The following SSBP3 variants were observed in gnomAD, a reference collection of about 807,000 sequenced individuals.
The protein encoded by SSBP3 is single stranded DNA binding protein 3.
SSBP3 carries 5 observed loss-of-function variants against 69.6 expected under a neutral mutation model. The ratio of observed to expected loss-of-function variants is 0.07; its 90% CI spans 0.04 to 0.15. SSBP3 has a LOEUF of 0.15. Ranked by LOEUF, SSBP3 falls within the 10% of genes least tolerant of loss-of-function variation. SSBP3 has a pLI of 1.00. For missense variants in SSBP3, 312 were observed against 534.0 expected (o/e 0.58, Z 4.10); for synonymous variants, 196 against 193.4 (o/e 1.01, Z -0.11).
chr1:54,271,821 A>G (rs486703), intron 5 of SSBP3, among the ~76,000 whole-genome samples: 2,617 of 151,972 alleles, frequency 0.017, 64 homozygotes, highest in African/African-American at 0.06. Context: ...CTAGGCTGGC[A>G]TGCAATGGTG....
intron 3 of SSBP3, among the ~76,000 whole-genome samples, chr1:54,404,049 G>A (rs1649503898): frequency 6.6e-6 from 1 of 152,068 alleles, no homozygotes. Flanking sequence ...CCAGAGGAAA[G>A]GAAGGACCAG....
intron 5 of SSBP3, among the ~76,000 whole-genome samples, chr1:54,264,270 C>A (rs1645064500): frequency 1.3e-5 from 2 of 152,158 alleles, no homozygotes; most frequent in Admixed American, 1.3e-4. Flanking sequence ...CCACTGCACT[C>A]TAGCCTGGGT....
At chr1:54,227,977 A>G (rs1362054180) in intron 17 of SSBP3, among the ~76,000 whole-genome samples, 1 of 151,854 alleles carries the variant, frequency 6.6e-6, no homozygotes, top group African/African-American at 2.4e-5. Flanking sequence ...TACTGCCCCA[A>G]CTCTCTCAGC....
intron 4 of SSBP3, among the ~76,000 whole-genome samples, chr1:54,288,631 A>G (rs540883171): frequency 3.3e-5 from 5 of 151,814 alleles, no homozygotes; most frequent in Non-Finnish European, 7.4e-5. Context: ...CGCTGGGAAG[A>G]TGTCATTTCT....
Position 54,228,422 on chromosome 1 carries a change from C to T in SSBP3, c.1035+27G>A, listed in dbSNP as rs767033656. ...CAACCTGCCCACACAGATGGGGCGC[C>T]GCCAGGGAGACCGAGTGCACACTCA... On this transcript the variant is annotated intron_variant, in intron 16 of 17. Transcript: ENST00000610401. 2.4e-5 allele frequency: 39 copies of T among 1,614,058 alleles called. No individual in the cohort carries two copies. The South Asian group carries it at 2.5e-4, about 10-fold the overall frequency.
chr1:54,292,790 G>C (rs779671251), intron 4 of SSBP3, among the ~76,000 whole-genome samples: 4 of 151,940 alleles, frequency 2.6e-5, no homozygotes, highest in Non-Finnish European at 5.9e-5. Flanking sequence ...TCTGTCTCTG[G>C]GGCAGGAAGG....
intron 3 of SSBP3, among the ~76,000 whole-genome samples, chr1:54,403,690 G>A (rs1319804921): frequency 6.6e-6 from 1 of 152,218 alleles, no homozygotes; most frequent in South Asian, 2.1e-4. Context: ...ACAGGAGACA[G>A]GACACACCGT....
Position 54,404,943 on chromosome 1 carries a change from C to G in SSBP3, c.57-13G>C. On this transcript the variant is annotated splice_polypyrimidine_tract_variant and intron_variant, in intron 1 of 17. Coordinates refer to ENST00000610401, the Ensembl canonical transcript of SSBP3. Reference sequence around the variant, plus strand: ...GTATAAAGCTAACCTGGAAAGTGGACAGGGGGCAAAGAGAGAGAGGGAAAG... The same window carrying G: ...GTATAAAGCTAACCTGGAAAGTGGAGAGGGGGCAAAGAGAGAGAGGGAAAG... The G allele has an allele frequency of 3.7e-6, 6 of 1,610,848 alleles. No individual in the cohort carries two copies. The highest frequency in any genetic ancestry group is 1.1e-5 in the South Asian group (1 of 90,822).
chr1:54,338,478 G>A (rs1319152532), intron 4 of SSBP3, among the ~76,000 whole-genome samples: 3 of 151,966 alleles, frequency 2.0e-5, no homozygotes, highest in Admixed American at 6.6e-5. Flanking sequence ...TCTCACTCCC[G>A]ACCCCTAACC....
Position 54,317,532 on chromosome 1 carries a change from C to CA in SSBP3, c.277-36006dup, listed in dbSNP as rs375615499. 3.8e-3 allele frequency among the ~76,000 whole-genome samples: 464 copies of CA among 123,596 alleles called. 1 individual carries two copies. The highest frequency in any genetic ancestry group is 9.9e-3 in the African/African-American group (334 of 33,680). The allele number at this position is 123,596 out of a possible 152,430, so 81.1% of individuals were successfully genotyped here. ...AGCCTGGGTGATAGAGCGAGACTCTCAAAAAAAAAAAATCATAATTTGATA... is the reference window on the plus strand; with the variant it reads ...AGCCTGGGTGATAGAGCGAGACTCTCAAAAAAAAAAAAATCATAATTTGATA... On this transcript the variant is annotated intron_variant, in intron 4 of 17. Transcript: ENST00000610401.
intron 4 of SSBP3, among the ~76,000 whole-genome samples, chr1:54,390,600 A>G (rs1380226645): frequency 1.3e-5 from 2 of 152,250 alleles, no homozygotes; most frequent in Admixed American, 6.5e-5. Flanking sequence ...AGTGGCAGCC[A>G]TCACAACTAA....
chr1:54,243,380 C>A (rs529671087), intron 9 of SSBP3, 81 bp from the exon 10 acceptor site: 69 of 1,494,206 alleles, frequency 4.6e-5, no homozygotes, highest in Non-Finnish European at 5.9e-5. Context: ...ACAGACAAAA[C>A]ATAGTGAGAG....
chr1:54,405,864 G>GCGGGGGGCCCC, intron 1 of SSBP3, 89 bp downstream of exon 1: 1 of 138,886 alleles, frequency 7.2e-6, no homozygotes, highest in South Asian at 2.9e-4. Flanking sequence ...GCAGCCTCCG[G>GCGGGGGGCCCC]CCCCCGCCCG....
chr1:54,245,332 A>C (rs1468552246), intron 9 of SSBP3, among the ~76,000 whole-genome samples: 1 of 152,248 alleles, frequency 6.6e-6, no homozygotes, highest in Non-Finnish European at 1.5e-5. Context: ...CTCAAGTTGC[A>C]GTGAGCAAAT....
intron 4 of SSBP3, among the ~76,000 whole-genome samples, chr1:54,380,029 T>TAC (rs1213991240): frequency 6.6e-6 from 1 of 152,142 alleles, no homozygotes; most frequent in Non-Finnish European, 1.5e-5. Context: ...AAAGAGCCTG[T>TAC]ACACCCAGGG....
chr1:54,375,747 C>CCA (rs1176624368), intron 4 of SSBP3, among the ~76,000 whole-genome samples: 3 of 152,220 alleles, frequency 2.0e-5, no homozygotes, highest in African/African-American at 4.8e-5. Context: ...AAAGGGTGAC[C>CCA]CACAGCCAGA....
intron 14 of SSBP3, chr1:54,238,296 C>G (rs1161178768): frequency 2.1e-6 from 1 of 470,990 alleles, no homozygotes; most frequent in African/African-American, 2.0e-5. Context: ...TCAACCAGGC[C>G]AAAGCCTCGC....
chr1:54,403,585 T>C (rs1649460980), intron 3 of SSBP3, among the ~76,000 whole-genome samples: 1 of 152,154 alleles, frequency 6.6e-6, no homozygotes, highest in Non-Finnish European at 1.5e-5. Flanking sequence ...TCATTTTCTC[T>C]GCACAAGTTA....
At chr1:54,279,027 G>C (rs1645342463) in intron 5 of SSBP3, among the ~76,000 whole-genome samples, 1 of 152,296 alleles carries the variant, frequency 6.6e-6, no homozygotes, top group Admixed American at 6.5e-5. Context: ...CAGCATCATG[G>C]CCAGGAAGGA....
Sources: gnomAD v4.1 joint callset for allele counts (sites outside exome capture counted in the v4.1 genomes callset) on GRCh38, gnomAD v4.1.1 for gene constraint, MANE v1.5 for transcripts, NCBI Gene and HGNC (gene_info 2026-07-23, HGNC 2026-07-21) for gene names.